The following CCDC7 variants were observed in gnomAD, a reference collection of about 807,000 sequenced individuals.
The protein encoded by CCDC7 is coiled-coil domain containing 7, also known as coiled-coil domain-containing protein 7.
Under a neutral mutation model 196.9 loss-of-function variants are expected in CCDC7, and 183 were observed. The ratio of observed to expected loss-of-function variants is 0.93; its 90% CI spans 0.82 to 1.05. CCDC7 has a LOEUF of 1.05. CCDC7 is among the 50% of genes least tolerant of loss of function. The pLI is 0.00. For missense variants in CCDC7, 1,540 were observed against 1,482.2 expected (o/e 1.04, Z -0.64); for synonymous variants, 525 against 484.6 (o/e 1.08, Z -1.10).
intron 31 of CCDC7, among the ~76,000 whole-genome samples, chr10:32,816,475 T>C (rs1466083729): frequency 6.6e-6 from 1 of 152,158 alleles, no homozygotes; most frequent in African/African-American, 2.4e-5. Context: ...GTCTGACAGC[T>C]TTGAAGAGAG....
chr10:32,627,064 G>T (rs2064152979), intron 18 of CCDC7, among the ~76,000 whole-genome samples: 1 of 149,638 alleles, frequency 6.7e-6, no homozygotes, highest in East Asian at 2.0e-4. Flanking sequence ...CCATATGAAT[G>T]TAAAATTTTT....
intron 20 of CCDC7, among the ~76,000 whole-genome samples, chr10:32,656,990 T>C (rs1408405912): frequency 6.6e-6 from 1 of 152,286 alleles, no homozygotes; most frequent in South Asian, 2.1e-4. Context: ...CAAAATCCAA[T>C]AGGGCAGTCA....
In CCDC7 at chr10:32,497,666, GAGTA is replaced by G. The variant is rs1391310582; in HGVS notation, c.872+5673_872+5676del. Reference sequence around the variant, plus strand: ...CATTATGTACCCAGTAGTCATTCAGGAGTAAGTTGTTCAGTTTTCATGTAGTTGT... The same window carrying G: ...CATTATGTACCCAGTAGTCATTCAGGAGTTGTTCAGTTTTCATGTAGTTGT... On this transcript the variant is annotated intron_variant, in intron 9 of 41. Transcript: ENST00000639629. Among the ~76,000 whole-genome samples the G allele has an allele frequency of 2.6e-5, 4 of 152,150 alleles. No homozygotes were observed. The East Asian group carries it at 5.8e-4, about 22-fold the overall frequency.
intron 24 of CCDC7, among the ~76,000 whole-genome samples, chr10:32,703,192 T>C (rs1297163411): frequency 6.6e-6 from 1 of 152,120 alleles, no homozygotes; most frequent in East Asian, 1.9e-4. Flanking sequence ...CTTCAGGAGC[T>C]CTTTTAGGGC....
At chr10:32,698,896 T>C (rs560351773) in intron 24 of CCDC7, among the ~76,000 whole-genome samples, 3 of 152,006 alleles carry the variant, frequency 2.0e-5, no homozygotes, top group Admixed American at 1.3e-4. Context: ...CCAAGACACA[T>C]AATTGTCAGA....
At chr10:32,755,874 AT>A (rs1287685322) in intron 28 of CCDC7, among the ~76,000 whole-genome samples, 5 of 152,308 alleles carry the variant, frequency 3.3e-5, no homozygotes, top group African/African-American at 1.2e-4. Flanking sequence ...GATGAGACGA[AT>A]GGCTAACTAG....
At chr10:32,713,397 C>G (rs1378325589) in intron 25 of CCDC7, among the ~76,000 whole-genome samples, 1 of 152,162 alleles carries the variant, frequency 6.6e-6, no homozygotes, top group African/African-American at 2.4e-5. Context: ...CCTCAGTTCC[C>G]CACTGGGGAC....
intron 41 of CCDC7, among the ~76,000 whole-genome samples, chr10:32,870,908 C>T (rs181606710): frequency 2.0e-5 from 3 of 152,154 alleles, no homozygotes; most frequent in East Asian, 1.9e-4. Context: ...TACTGATTTG[C>T]GTATGTTGAA....
At chr10:32,547,167 A>G (rs1349819353) in intron 13 of CCDC7, among the ~76,000 whole-genome samples, 1 of 151,934 alleles carries the variant, frequency 6.6e-6, no homozygotes, top group East Asian at 1.9e-4. Flanking sequence ...ACAGGCATGC[A>G]CCATCACACC....
intron 3 of CCDC7, among the ~76,000 whole-genome samples, chr10:32,456,762 C>T (rs548701171): frequency 6.6e-6 from 1 of 152,160 alleles, no homozygotes; most frequent in South Asian, 2.1e-4. Flanking sequence ...TAAGCCTTAT[C>T]AATTAGCTAT....
chr10:32,657,086 C>T (rs544279662), intron 20 of CCDC7, among the ~76,000 whole-genome samples: 34 of 152,366 alleles, frequency 2.2e-4, no homozygotes, highest in African/African-American at 5.3e-4. Context: ...GCTTCCGTGG[C>T]CTTAGGCAGC....
intron 33 of CCDC7, among the ~76,000 whole-genome samples, chr10:32,837,065 T>C (rs1290198397): frequency 1.3e-5 from 2 of 152,204 alleles, no homozygotes; most frequent in East Asian, 3.9e-4. Context: ...AAAGCCAAAA[T>C]TGACAAACGG....
chr10:32,525,316 T>G (rs1156371898), intron 11 of CCDC7, among the ~76,000 whole-genome samples: 1 of 152,218 alleles, frequency 6.6e-6, no homozygotes, highest in Non-Finnish European at 1.5e-5. Context: ...TCTTGCTTGA[T>G]CAATTCTGCT....
chr10:32,681,766 C>T (rs2075890736), intron 21 of CCDC7, among the ~76,000 whole-genome samples: 1 of 151,386 alleles, frequency 6.6e-6, no homozygotes, highest in Non-Finnish European at 1.5e-5. Context: ...CACACACACA[C>T]ACACACACAC....
chr10:32,481,087 T>G (rs2460711), intron 8 of CCDC7, among the ~76,000 whole-genome samples: 52,307 of 152,078 alleles, frequency 0.34, 11,445 homozygotes, highest in Non-Finnish European at 0.5. Flanking sequence ...TATATAATAA[T>G]CTTCTTTGTC....
At chr10:32,461,280 T>C (rs1048280062) in intron 3 of CCDC7, among the ~76,000 whole-genome samples, 9 of 152,168 alleles carry the variant, frequency 5.9e-5, no homozygotes, top group African/African-American at 1.9e-4. Flanking sequence ...TAGCCTACCC[T>C]ACCTTAAATG....
chr10:32,791,353 C>T (rs1238083972), intron 29 of CCDC7, among the ~76,000 whole-genome samples: 1 of 151,872 alleles, frequency 6.6e-6, no homozygotes, highest in African/African-American at 2.4e-5. Context: ...AAAGACACCA[C>T]CACTAAAGGA....
intron 28 of CCDC7, among the ~76,000 whole-genome samples, chr10:32,773,133 A>G (rs777267152): frequency 1.4e-4 from 21 of 152,190 alleles, no homozygotes; most frequent in Non-Finnish European, 2.1e-4. Context: ...TAATTTGATT[A>G]TGATGTGCCT....
chr10:32,865,197 T>C (rs1051082485), intron 41 of CCDC7, among the ~76,000 whole-genome samples: 17 of 151,864 alleles, frequency 1.1e-4, no homozygotes, highest in Non-Finnish European at 2.9e-5. Context: ...ATATAGCTTA[T>C]AATAGACTTC....
Sources: allele counts gnomAD v4.1 joint callset (sites outside exome capture counted in the v4.1 genomes callset), GRCh38; gene constraint gnomAD v4.1.1; transcripts MANE v1.5; gene names NCBI Gene and HGNC (gene_info 2026-07-23, HGNC 2026-07-21).